The following SEL1L2 variants were observed in gnomAD, a reference collection of about 807,000 sequenced individuals.
SEL1L2 encodes protein sel-1 homolog 2.
In SEL1L2, 89 loss-of-function variants were observed where a neutral mutation model predicts 98.8. The ratio of observed to expected loss-of-function variants is 0.90; its 90% CI spans 0.76 to 1.07. SEL1L2 has a LOEUF of 1.07. Among genes scored for constraint, SEL1L2 ranks in the 50% least tolerant of loss-of-function variants. The probability of loss-of-function intolerance (pLI) is 0.00; values close to 1 mark genes in which losing one functional copy is unlikely to be tolerated. For missense variants in SEL1L2, 788 were observed against 812.0 expected (o/e 0.97, Z 0.36); for synonymous variants, 262 against 278.5 (o/e 0.94, Z 0.59).
intron 17 of SEL1L2, among the ~76,000 whole-genome samples, chr20:13,862,083 C>T (rs1410836097): frequency 1.3e-5 from 2 of 152,182 alleles, no homozygotes; most frequent in East Asian, 3.8e-4. Context: ...GCACCTTGAA[C>T]TCTTAATCAC....
intron 18 of SEL1L2, 30 bp from the exon 19 acceptor site, chr20:13,850,349 A>G (rs1368552374): frequency 6.2e-7 from 1 of 1,612,494 alleles, no homozygotes; most frequent in East Asian, 2.2e-5. Flanking sequence ...CCTACCCATC[A>G]GATTCTGTAG....
intron 15 of SEL1L2, 96 bp downstream of exon 15, chr20:13,866,606 T>C (rs1483835011): frequency 7.9e-6 from 8 of 1,015,002 alleles, no homozygotes; most frequent in Admixed American, 6.0e-5. Context: ...GAGGTAATAT[T>C]TATAAAATCA....
At chr20:13,977,185 G>T (rs919993149) in intron 1 of SEL1L2, among the ~76,000 whole-genome samples, 1 of 152,098 alleles carries the variant, frequency 6.6e-6, no homozygotes, top group African/African-American at 2.4e-5. Context: ...TAGAAGGAGG[G>T]TATGAGATAT....
intron 3 of SEL1L2, among the ~76,000 whole-genome samples, chr20:13,931,303 T>G (rs2049133990): frequency 6.6e-6 from 1 of 152,010 alleles, no homozygotes; most frequent in Non-Finnish European, 1.5e-5. Context: ...GTGCTGGGAT[T>G]ACAGGCGTGA....
At position 13,931,693 on chromosome 20, in the gene SEL1L2, C is replaced by A; in HGVS notation, c.193G>T (p.Glu65Ter). The stretch of plus-strand genomic sequence containing the variant: ...TTCTTCTTTTTCTCCAGGAGATTTT[C>A]TCTTTTATTGATTACATTACTAGAT... ...RTSSNVINKR[E>*]NLLEKKKNQR... Residue 65 changes from glutamate to a stop codon, truncating the protein, a stop_gained, in exon 3 of 20, where the codon GAA (glutamate) becomes TAA (stop). Coordinates refer to ENST00000284951, the MANE Select transcript of SEL1L2 (RefSeq NM_025229.2). LOFTEE classifies it high-confidence loss of function. The A allele has an allele frequency of 6.4e-7, 1 of 1,558,572 alleles. No homozygotes were observed. Among genetic ancestry groups the A allele is most frequent in the Non-Finnish European group, 8.7e-7 (1 of 1,151,338 alleles).
At chr20:13,861,029 G>A (rs916404539) in intron 17 of SEL1L2, among the ~76,000 whole-genome samples, 3 of 151,996 alleles carry the variant, frequency 2.0e-5, no homozygotes, top group African/African-American at 7.3e-5. Context: ...AGTCCTGTTG[G>A]TTCTGCCTCT....
rs551995940 is a variant in SEL1L2, at chr20:13,862,502, A to G, written c.1645+2665T>C. Among the ~76,000 whole-genome samples, 6 of 152,196 alleles carry G rather than the reference A, an allele frequency of 3.9e-5. No homozygotes were observed. The East Asian group carries it at 1.2e-3, about 29-fold the overall frequency. On this transcript the variant is annotated intron_variant, in intron 17 of 19. Transcript: ENST00000284951. ...TAAGTGATATAGGACTCCTTCCAAA[A>G]TTTTCTCATTTGGCCCTAATGTAGT...
upstream of SEL1L2, among the ~76,000 whole-genome samples, chr20:13,993,240 G>A (rs867470120): frequency 6.6e-5 from 10 of 152,182 alleles, no homozygotes; most frequent in South Asian, 2.1e-4. Flanking sequence ...TATACAGACC[G>A]CTCAATAAAA....
intron 5 of SEL1L2, among the ~76,000 whole-genome samples, chr20:13,907,558 G>C (rs1472270486): frequency 6.6e-6 from 1 of 152,068 alleles, no homozygotes; most frequent in African/African-American, 2.4e-5. Context: ...AATGGAGCAA[G>C]ATCCTATCTC....
intron 5 of SEL1L2, among the ~76,000 whole-genome samples, chr20:13,909,811 CA>C (rs1449915155): frequency 6.6e-6 from 1 of 152,004 alleles, no homozygotes; most frequent in Non-Finnish European, 1.5e-5. Flanking sequence ...ACTAAAAATA[CA>C]AAAATTAGCC....
intron 8 of SEL1L2, among the ~76,000 whole-genome samples, chr20:13,886,785 A>G (rs1469852099): frequency 2.6e-5 from 4 of 151,936 alleles, no homozygotes; most frequent in African/African-American, 9.7e-5. Context: ...ATACCTGGGA[A>G]GCTGAGGCAT....
Position 13,865,458 on chromosome 20 carries a change from G to C in SEL1L2, c.1461C>G (p.Tyr487Ter). ...CTATATCACCATCCTTATAGGCAAA[G>C]TAAGCTGTCAGGAATTTCTCAGCCC... ...GHWAEKFLTA[Y>*]FAYKDGDIDS... The change falls in exon 16 of 20, where the codon TAC (tyrosine) becomes TAG (stop). Residue 487 changes from tyrosine to a stop codon, truncating the protein, a stop_gained. Coordinates refer to ENST00000284951, the MANE Select transcript of SEL1L2 (RefSeq NM_025229.2). LOFTEE classifies it high-confidence loss of function. 2 of 1,614,086 alleles carry C rather than the reference G, an allele frequency of 1.2e-6. No homozygotes were observed. The highest frequency in any genetic ancestry group is 8.5e-7 in the Non-Finnish European group (1 of 1,179,960).
At chr20:13,940,708 C>T (rs975986558) in intron 2 of SEL1L2, among the ~76,000 whole-genome samples, 5 of 151,896 alleles carry the variant, frequency 3.3e-5, no homozygotes, top group East Asian at 1.9e-4. Context: ...CCAAAATGGG[C>T]GAATCACCTG....
upstream of SEL1L2, among the ~76,000 whole-genome samples, chr20:13,992,290 G>A (rs529371312): frequency 1.4e-4 from 22 of 152,196 alleles, no homozygotes; most frequent in African/African-American, 5.3e-4. Flanking sequence ...GGTCATCTGA[G>A]GTCAGGAGTT....
At chr20:13,987,967 G>T (rs1021344907) in intron 1 of SEL1L2, among the ~76,000 whole-genome samples, 1 of 152,184 alleles carries the variant, frequency 6.6e-6, no homozygotes, top group South Asian at 2.1e-4. Context: ...CAAAACAGAA[G>T]AGTTTTTAGT....
intron 4 of SEL1L2, among the ~76,000 whole-genome samples, chr20:13,916,760 T>C (rs1426079440): frequency 6.6e-6 from 1 of 151,974 alleles, no homozygotes; most frequent in African/African-American, 2.4e-5. Context: ...GAGCTGAGAT[T>C]GTGCCACTGC....
chr20:13,876,196 A>G (rs904247477), intron 11 of SEL1L2, 81 bp from the exon 12 acceptor site: 13 of 993,222 alleles, frequency 1.3e-5, no homozygotes, highest in African/African-American at 3.2e-5. Flanking sequence ...AAATAGAGGT[A>G]ACAGTGGTAC....
At chr20:13,858,282 T>G (rs574843740) in intron 18 of SEL1L2, among the ~76,000 whole-genome samples, 2 of 152,256 alleles carry the variant, frequency 1.3e-5, no homozygotes, top group African/African-American at 4.8e-5. Context: ...AGCCGATAAT[T>G]CCCACGTTAT....
At chr20:13,914,860 C>A (rs1293988547) in intron 4 of SEL1L2, among the ~76,000 whole-genome samples, 2 of 152,152 alleles carry the variant, frequency 1.3e-5, no homozygotes, top group Non-Finnish European at 2.9e-5. Flanking sequence ...ACAGGATTAC[C>A]TTACACTGCA....
Sources: allele counts gnomAD v4.1 joint callset (sites outside exome capture counted in the v4.1 genomes callset), GRCh38; gene constraint gnomAD v4.1.1; transcripts MANE v1.5; gene names NCBI Gene and HGNC (gene_info 2026-07-23, HGNC 2026-07-21).